The following ALCAM variants were observed in gnomAD, a reference collection of about 807,000 sequenced individuals.
The protein encoded by ALCAM is activated leukocyte cell adhesion molecule.
Under a neutral mutation model 70.9 loss-of-function variants are expected in ALCAM, and 30 were observed. The ratio of observed to expected loss-of-function variants is 0.42; its 90% CI spans 0.32 to 0.57. ALCAM has a LOEUF of 0.57. Among genes scored for constraint, ALCAM ranks in the 20% least tolerant of loss-of-function variants. ALCAM has a pLI of 0.11. For synonymous variants in ALCAM, 249 were observed against 242.5 expected (o/e 1.03, Z -0.25); for missense variants, 591 against 695.1 (o/e 0.85, Z 1.68).
chr3:105,388,539 A>C (rs1935717259), intron 1 of ALCAM, among the ~76,000 whole-genome samples: 1 of 151,588 alleles, frequency 6.6e-6, no homozygotes, highest in South Asian at 2.1e-4. Flanking sequence ...AGGATGGTAA[A>C]TTTGGTGATA....
intron 2 of ALCAM, among the ~76,000 whole-genome samples, chr3:105,520,854 A>G (rs1488927366): frequency 2.0e-5 from 3 of 152,182 alleles, no homozygotes; most frequent in African/African-American, 7.2e-5. Flanking sequence ...TGTGTGGTAC[A>G]ATTTCCCAAT....
At chr3:105,510,231 G>A (rs1939201383) in intron 1 of ALCAM, among the ~76,000 whole-genome samples, 1 of 152,056 alleles carries the variant, frequency 6.6e-6, no homozygotes, top group Non-Finnish European at 1.5e-5. Context: ...TTGGGTGGAA[G>A]CGTTCTAGAC....
chr3:105,475,254 C>A (rs994254402), intron 1 of ALCAM, among the ~76,000 whole-genome samples: 6 of 151,874 alleles, frequency 4.0e-5, no homozygotes, highest in African/African-American at 1.4e-4. Context: ...TTTATAGTTT[C>A]CTCAATGAAT....
chr3:105,477,931 T>A (rs1026824168), intron 1 of ALCAM, among the ~76,000 whole-genome samples: 3 of 151,964 alleles, frequency 2.0e-5, no homozygotes, highest in Admixed American at 1.3e-4. Flanking sequence ...TTTCCATTTC[T>A]CAGTAATATA....
chr3:105,422,411 T>G (rs1936691365), intron 1 of ALCAM, among the ~76,000 whole-genome samples: 1 of 151,470 alleles, frequency 6.6e-6, no homozygotes, highest in Non-Finnish European at 1.5e-5. Context: ...GGCAGAAATT[T>G]TTTTTTACTC....
At chr3:105,408,938 T>C (rs1936316986) in intron 1 of ALCAM, among the ~76,000 whole-genome samples, 1 of 151,968 alleles carries the variant, frequency 6.6e-6, no homozygotes, top group Non-Finnish European at 1.5e-5. Flanking sequence ...CCAATGAGCA[T>C]AAGGAAAAAA....
In ALCAM at chr3:105,455,370, A is replaced by G. The variant is rs376726195; in HGVS notation, c.74-64697A>G. On this transcript the variant is annotated intron_variant, in intron 1 of 15. Coordinates refer to ENST00000306107, the MANE Select transcript of ALCAM (RefSeq NM_001627.4). Reference sequence around the variant, plus strand: ...GGCAGGAGAATGGTGTGAACCCGGGAGGCGGAGCTTGCAGTGAGCCGAGAA... The same window carrying G: ...GGCAGGAGAATGGTGTGAACCCGGGGGGCGGAGCTTGCAGTGAGCCGAGAA... Among the ~76,000 whole-genome samples the G allele has an allele frequency of 4.6e-4, 69 of 149,058 alleles. No individual in the cohort carries two copies. In the East Asian group the frequency reaches 4.9e-3, roughly 11 times the overall value.
At chr3:105,465,853 A>G (rs1462171364) in intron 1 of ALCAM, among the ~76,000 whole-genome samples, 1 of 151,360 alleles carries the variant, frequency 6.6e-6, no homozygotes, top group East Asian at 1.9e-4. Flanking sequence ...CCAGAAGTCT[A>G]GACCGCTGTG....
chr3:105,571,442 T>C (rs1044731308), intron 14 of ALCAM, among the ~76,000 whole-genome samples: 2 of 152,180 alleles, frequency 1.3e-5, no homozygotes, highest in Non-Finnish European at 2.9e-5. Flanking sequence ...GGATACATGA[T>C]AGGGAACACC....
At chr3:105,484,306 A>G (rs1359619905) in intron 1 of ALCAM, among the ~76,000 whole-genome samples, 1 of 149,416 alleles carries the variant, frequency 6.7e-6, no homozygotes, top group African/African-American at 2.4e-5. Flanking sequence ...TTATATATAT[A>G]TATTTATTTA....
At chr3:105,494,237 A>G (rs1458248912) in intron 1 of ALCAM, among the ~76,000 whole-genome samples, 1 of 152,178 alleles carries the variant, frequency 6.6e-6, no homozygotes, top group African/African-American at 2.4e-5. Context: ...TTCTTTCTAA[A>G]GTCATCAATT....
intron 1 of ALCAM, among the ~76,000 whole-genome samples, chr3:105,488,182 G>A (rs914252920): frequency 1.3e-5 from 2 of 152,034 alleles, no homozygotes; most frequent in Non-Finnish European, 2.9e-5. Flanking sequence ...TTCCCTTTCT[G>A]CTGTGAATGG....
intron 1 of ALCAM, among the ~76,000 whole-genome samples, chr3:105,456,735 T>G (rs938178236): frequency 6.6e-6 from 1 of 152,104 alleles, no homozygotes; most frequent in Non-Finnish European, 1.5e-5. Flanking sequence ...CATTTTACAT[T>G]TCTCTGCATG....
intron 1 of ALCAM, among the ~76,000 whole-genome samples, chr3:105,394,392 A>G (rs1935897759): frequency 6.6e-6 from 1 of 151,912 alleles, no homozygotes; most frequent in African/African-American, 2.4e-5. Context: ...CAAACACGTC[A>G]TGATCTGGAA....
intron 1 of ALCAM, among the ~76,000 whole-genome samples, chr3:105,425,287 G>T (rs1236839428): frequency 6.6e-6 from 1 of 151,618 alleles, no homozygotes; most frequent in African/African-American, 2.4e-5. Context: ...TGACACATTG[G>T]TTCTATTTGC....
intron 1 of ALCAM, among the ~76,000 whole-genome samples, chr3:105,399,941 A>T (rs1303154102): frequency 6.6e-6 from 1 of 152,196 alleles, no homozygotes; most frequent in Non-Finnish European, 1.5e-5. Flanking sequence ...CTTAAAAAGT[A>T]GCAAACATTG....
intron 1 of ALCAM, among the ~76,000 whole-genome samples, chr3:105,458,372 G>C (rs937376714): frequency 1.3e-5 from 2 of 152,142 alleles, no homozygotes; most frequent in Non-Finnish European, 2.9e-5. Flanking sequence ...ACTTTTGTAA[G>C]GTACGCAGGC....
At chr3:105,512,410 T>A (rs574537995) in intron 1 of ALCAM, among the ~76,000 whole-genome samples, 9 of 152,008 alleles carry the variant, frequency 5.9e-5, no homozygotes, top group South Asian at 4.1e-4. Context: ...AGGTGAATTG[T>A]ATTCATAATT....
intron 1 of ALCAM, among the ~76,000 whole-genome samples, chr3:105,487,448 C>T (rs73854309): frequency 0.013 from 2,006 of 152,202 alleles, 36 homozygotes; most frequent in African/African-American, 0.044. Context: ...ATGTTTCCTT[C>T]TCCCTAGCTT....
Sources: allele counts gnomAD v4.1 joint callset (sites outside exome capture counted in the v4.1 genomes callset), GRCh38; gene constraint gnomAD v4.1.1; transcripts MANE v1.5; gene names NCBI Gene and HGNC (gene_info 2026-07-23, HGNC 2026-07-21).